SVIL: variants seen among roughly 807,000 people sequenced by gnomAD.
The protein encoded by SVIL is archvillin.
SVIL carries 101 observed loss-of-function variants against 240.4 expected under a neutral mutation model. The ratio of observed to expected loss-of-function variants is 0.42; its 90% CI spans 0.36 to 0.50. SVIL has a LOEUF of 0.50. Among genes scored for constraint, SVIL ranks in the 20% least tolerant of loss-of-function variants. The pLI, the probability that SVIL is intolerant of heterozygous loss-of-function variation, is 0.01. For missense variants in SVIL, 2,512 were observed against 2,818.7 expected (o/e 0.89, Z 2.46); for synonymous variants, 999 against 1,100.0 (o/e 0.91, Z 1.82).
At chr10:29,558,930 A>AAT (rs72228268) in intron 3 of SVIL, among the ~76,000 whole-genome samples, 18,856 of 146,030 alleles carry the variant, frequency 0.13, 1,474 homozygotes, top group African/African-American at 0.23. Flanking sequence ...TCTGCCTCGA[A>AAT]ATATATATAT....
intron 3 of SVIL, among the ~76,000 whole-genome samples, chr10:29,652,229 T>C (rs1396153565): frequency 6.6e-6 from 1 of 152,216 alleles, no homozygotes. Context: ...CCCCCTGTCG[T>C]AGGCAACCAT....
chr10:29,576,746 A>G (rs1955713772), intron 1 of SVIL, among the ~76,000 whole-genome samples: 2 of 152,110 alleles, frequency 1.3e-5, no homozygotes, highest in South Asian at 4.1e-4. Context: ...GGGTCTTACT[A>G]TGTTTCCCAG....
chr10:29,535,902 A>G, intron 7 of SVIL, 87 bp downstream of exon 7: 3 of 1,352,832 alleles, frequency 2.2e-6, no homozygotes, highest in Non-Finnish European at 3.2e-6. Context: ...AGAAGGCAAG[A>G]GGAGAGTGGG....
chr10:29,545,853 C>CAAAAAAAAAA (rs755360700), intron 6 of SVIL, among the ~76,000 whole-genome samples: 3 of 63,568 alleles, frequency 4.7e-5, no homozygotes, highest in African/African-American at 6.9e-5. Flanking sequence ...GACTCTGTCT[C>CAAAAAAAAAA]AAAAAAAAAA....
chr10:29,676,029 A>G (rs1589494873), intron 2 of SVIL, among the ~76,000 whole-genome samples: 1 of 152,238 alleles, frequency 6.6e-6, no homozygotes. Context: ...CCCCTCACCC[A>G]TCATGATAAC....
rs1052451961 is a variant in SVIL, at chr10:29,529,780, T to G, written c.2171A>C (p.Glu724Ala). ...PKRRSRNTAVEQRLRRLQDRS... is the reference protein window; with the variant it reads ...PKRRSRNTAVAQRLRRLQDRS... ...GTCCTGCAGACGGCGTAGCCTCTGC[T>G]CCACAGCTGTGTTTCTTGAGCGTCG... The change falls in exon 12 of 38, where the codon GAG (glutamate) becomes GCG (alanine). Residue 724 changes from glutamate to alanine, a missense_variant. Around this residue, in one of 3 missense-constraint regions of SVIL, gnomAD observed 1,443 missense variants for 1,486.6 expected, o/e 0.97. Coordinates refer to ENST00000355867, the MANE Select transcript of SVIL (RefSeq NM_021738.3). The G allele has an allele frequency of 6.2e-7, 1 of 1,613,804 alleles. No homozygotes were observed. The highest frequency in any genetic ancestry group is 8.5e-7 in the Non-Finnish European group (1 of 1,179,896).
chr10:29,573,788 C>T (rs796852797), intron 1 of SVIL, among the ~76,000 whole-genome samples: 14 of 152,056 alleles, frequency 9.2e-5, no homozygotes, highest in East Asian at 1.9e-4. Flanking sequence ...CTCCACCTCC[C>T]GGGTTCAAGC....
At chr10:29,666,474 C>T (rs954827357) in intron 2 of SVIL, among the ~76,000 whole-genome samples, 21 of 152,294 alleles carry the variant, frequency 1.4e-4, no homozygotes, top group African/African-American at 4.1e-4. Context: ...CCTGGAAAGA[C>T]GTGATAGGGA....
intron 1 of SVIL, among the ~76,000 whole-genome samples, chr10:29,726,517 C>T (rs1365959755): frequency 4.0e-5 from 6 of 151,876 alleles, no homozygotes; most frequent in South Asian, 2.1e-4. Flanking sequence ...GAGGCCGAGG[C>T]GGGCGGATCA....
chr10:29,682,728 T>C (rs1178527521), intron 2 of SVIL, among the ~76,000 whole-genome samples: 1 of 152,222 alleles, frequency 6.6e-6, no homozygotes, highest in Non-Finnish European at 1.5e-5. Flanking sequence ...GATATGCTTT[T>C]CTAGGTTCAA....
chr10:29,560,011 T>A (rs1589254150), intron 3 of SVIL, among the ~76,000 whole-genome samples: 1 of 152,296 alleles, frequency 6.6e-6, no homozygotes, highest in Non-Finnish European at 1.5e-5. Context: ...AGTTCAGTCC[T>A]CCAAACTTGA....
chr10:29,708,257 C>CAAAAAAAAA (rs35982600), intron 1 of SVIL, among the ~76,000 whole-genome samples: 2 of 62,708 alleles, frequency 3.2e-5, no homozygotes, highest in African/African-American at 6.3e-5. Context: ...GACTCCATCT[C>CAAAAAAAAA]AAAAAAAAAA....
At chr10:29,687,641 C>G (rs1961181501) in intron 1 of SVIL, among the ~76,000 whole-genome samples, 1 of 152,230 alleles carries the variant, frequency 6.6e-6, no homozygotes, top group African/African-American at 2.4e-5. Context: ...CCACCGCACT[C>G]CAGCCTGGGT....
chr10:29,516,919 C>G (rs1950241131), intron 16 of SVIL, among the ~76,000 whole-genome samples: 1 of 152,166 alleles, frequency 6.6e-6, no homozygotes, highest in African/African-American at 2.4e-5. Flanking sequence ...CCATGTGCCC[C>G]TAATATTAAA....
intron 2 of SVIL, among the ~76,000 whole-genome samples, chr10:29,660,015 A>G (rs369506702): frequency 2.1e-4 from 32 of 152,282 alleles, no homozygotes; most frequent in African/African-American, 7.0e-4. Context: ...AGAAAAAGAA[A>G]ACTACTCAAA....
chr10:29,693,424 T>C (rs1961671994), intron 1 of SVIL, among the ~76,000 whole-genome samples: 1 of 152,168 alleles, frequency 6.6e-6, no homozygotes, highest in South Asian at 2.1e-4. Context: ...ATAGAAAAGG[T>C]TGCAGCTATG....
intron 5 of SVIL, among the ~76,000 whole-genome samples, chr10:29,554,181 C>G (rs191317807): frequency 6.6e-6 from 1 of 151,988 alleles, no homozygotes; most frequent in Admixed American, 6.6e-5. Context: ...CATGGTGGCA[C>G]GCGCTCATAG....
chr10:29,685,054 G>C (rs1008306934), intron 2 of SVIL, among the ~76,000 whole-genome samples: 1 of 152,036 alleles, frequency 6.6e-6, no homozygotes, highest in African/African-American at 2.4e-5. Context: ...TATTTTTTCT[G>C]ATCTTTTCTC....
intron 1 of SVIL, among the ~76,000 whole-genome samples, chr10:29,585,841 C>G (rs1267961244): frequency 6.6e-6 from 1 of 152,180 alleles, no homozygotes; most frequent in Admixed American, 6.5e-5. Flanking sequence ...GGCAGGTGTC[C>G]GACGCCTCAG....
Sources: gnomAD v4.1 joint callset for allele counts (sites outside exome capture counted in the v4.1 genomes callset) on GRCh38, gnomAD v4.1.1 for gene constraint, gnomAD v4.1.1 regional missense constraint, MANE v1.5 for transcripts, NCBI Gene and HGNC (gene_info 2026-07-23, HGNC 2026-07-21) for gene names.